UNC13C: variants seen among roughly 807,000 people sequenced by gnomAD.
UNC13C encodes the protein unc-13 homolog C.
A neutral mutation model predicts 245.4 loss-of-function variants in UNC13C; 174 were observed. That is an observed-to-expected ratio of 0.71 (90% confidence interval 0.63 to 0.80). The LOEUF (loss-of-function observed/expected upper bound fraction) is 0.80, where lower values mean the gene tolerates loss of function less well. Among genes scored for constraint, UNC13C ranks in the 30% least tolerant of loss-of-function variants. The pLI, the probability that UNC13C is intolerant of heterozygous loss-of-function variation, is 0.00. For synonymous variants in UNC13C, 992 were observed against 895.1 expected, an observed-to-expected ratio of 1.11 and a Z score of -1.93; for missense variants, 2,829 against 2,602.9, an observed-to-expected ratio of 1.09 and a Z score of -1.89.
At chr15:54,268,735 AGGTTTTG>A (rs2036610263) in intron 10 of UNC13C, among the ~76,000 whole-genome samples, 2 of 152,032 alleles carry the variant, frequency 1.3e-5, no homozygotes, top group South Asian at 4.1e-4. Context: ...ATGAATTAGG[AGGTTTTG>A]TCTTCTGCCC....
At chr15:54,351,349 A>C (rs2038978582) in intron 17 of UNC13C, among the ~76,000 whole-genome samples, 1 of 152,188 alleles carries the variant, frequency 6.6e-6, no homozygotes, top group African/African-American at 2.4e-5. Flanking sequence ...GGATTCTGAT[A>C]TTCTATTTAC....
chr15:54,178,903 T>A (rs1039524660), intron 4 of UNC13C, among the ~76,000 whole-genome samples: 10 of 152,110 alleles, frequency 6.6e-5, no homozygotes, highest in African/African-American at 2.4e-4. Flanking sequence ...TAGTTTATCA[T>A]CTTCTCATGA....
the UNC13C span, chr15:53,955,938 C>G: frequency 6.6e-6 from 1 of 152,156 alleles, no homozygotes; most frequent in Non-Finnish European, 1.5e-5. Context: ...AGGTTCCCAT[C>G]AGTAGTGGAG....
chr15:54,372,483 T>G (rs2039509446), intron 17 of UNC13C, among the ~76,000 whole-genome samples: 1 of 152,158 alleles, frequency 6.6e-6, no homozygotes, highest in Non-Finnish European at 1.5e-5. Flanking sequence ...ACTGATAACA[T>G]CAGTCTCCAA....
the UNC13C span, among the ~76,000 whole-genome samples, chr15:53,843,779 A>G: frequency 2.0e-5 from 3 of 152,190 alleles, no homozygotes; most frequent in Non-Finnish European, 2.9e-5. Flanking sequence ...TAAGTTAGAT[A>G]CTAAAAAGTT....
chr15:54,252,601 C>T (rs528292018), intron 8 of UNC13C, among the ~76,000 whole-genome samples: 1 of 152,184 alleles, frequency 6.6e-6, no homozygotes, highest in South Asian at 2.1e-4. Flanking sequence ...GAAATTCTCC[C>T]TACAGAATCA....
chr15:54,520,065 C>T (rs1895150767), intron 24 of UNC13C, among the ~76,000 whole-genome samples: 1 of 152,054 alleles, frequency 6.6e-6, no homozygotes, highest in Admixed American at 6.6e-5. Context: ...GGATGATACG[C>T]CAGTGTCATG....
rs1412196510 is a variant in UNC13C, at chr15:54,071,025, A to G, written c.2983+55139A>G. On this transcript the variant is annotated intron_variant, in intron 2 of 32. Coordinates refer to ENST00000260323, the MANE Select transcript of UNC13C (RefSeq NM_001080534.3). ...GTTTTTTTAACTTTATAAAGATAAT[A>G]CTATTCCTATATGAACTTTTATGAA... 2.0e-5 allele frequency among the ~76,000 whole-genome samples: 3 copies of G among 152,188 alleles called. No individual in the cohort carries two copies. In the East Asian group the frequency reaches 5.8e-4, roughly 29 times the overall value.
intron 7 of UNC13C, among the ~76,000 whole-genome samples, chr15:54,240,356 GGAGCAAA>G (rs1421092384): frequency 6.6e-6 from 1 of 152,104 alleles, no homozygotes; most frequent in Non-Finnish European, 1.5e-5. Context: ...CATAAATGCT[GGAGCAAA>G]TAATTTGCAC....
At chr15:54,040,627 G>T (rs1287528076) in intron 2 of UNC13C, among the ~76,000 whole-genome samples, 1 of 152,136 alleles carries the variant, frequency 6.6e-6, no homozygotes, top group Non-Finnish European at 1.5e-5. Flanking sequence ...TGCTTCCAGG[G>T]CTATTAACTT....
chr15:54,245,474 C>A (rs2035967189), intron 7 of UNC13C, among the ~76,000 whole-genome samples: 1 of 152,048 alleles, frequency 6.6e-6, no homozygotes, highest in Admixed American at 6.6e-5. Context: ...TAGGATATAA[C>A]TTTTAGTCTT....
chr15:53,868,672 C>T, the UNC13C span, among the ~76,000 whole-genome samples: 1 of 152,152 alleles, frequency 6.6e-6, no homozygotes, highest in African/African-American at 2.4e-5. Flanking sequence ...TTGGTCAATC[C>T]TTAAAGAAGT....
intron 17 of UNC13C, among the ~76,000 whole-genome samples, chr15:54,356,611 T>C (rs1029834717): frequency 6.6e-6 from 1 of 152,172 alleles, no homozygotes; most frequent in Admixed American, 6.5e-5. Flanking sequence ...CAAAAGCAGC[T>C]TTCAGCCTCT....
At chr15:54,120,227 C>T (rs1021830324) in intron 2 of UNC13C, among the ~76,000 whole-genome samples, 4 of 152,152 alleles carry the variant, frequency 2.6e-5, no homozygotes, top group African/African-American at 9.7e-5. Context: ...AGCTGATTCT[C>T]TTATTAGGAG....
rs756016735 is a variant in UNC13C at position 54,623,839 on chromosome 15, C to T, written c.6244C>T (p.Arg2082Cys). 119 of 1,612,866 alleles carry T rather than the reference C, an allele frequency of 7.4e-5. No homozygotes were observed. Among genetic ancestry groups the T allele is most frequent in the Non-Finnish European group, 8.1e-5 (96 of 1,179,374 alleles). ...AAACTGGCAGACCACAGCAATGTTC[C>T]GCCCCTTTGTGGAAGTTTGTATACT... ...DLNWQTTAMFRPFVEVCILGP... is the reference protein window; with the variant it reads ...DLNWQTTAMFCPFVEVCILGP... The change falls in exon 32 of 33, where the codon CGC becomes TGC. Residue 2082 changes from arginine (R) to cysteine (C), a missense_variant. Arg to Cys is a radical substitution (Grantham distance 180, BLOSUM62 -3). Transcript: ENST00000260323.
At chr15:54,320,742 G>T in intron 13 of UNC13C, 1 of 386,396 alleles carries the variant, frequency 2.6e-6, no homozygotes, top group East Asian at 6.9e-5. Flanking sequence ...TTCTGCCACT[G>T]CCATAGCTAC....
chr15:54,278,599 T>A (rs1459616020), intron 10 of UNC13C, among the ~76,000 whole-genome samples: 1 of 152,184 alleles, frequency 6.6e-6, no homozygotes, highest in Non-Finnish European at 1.5e-5. Flanking sequence ...CCGACACTGA[T>A]CTCTTCAGTA....
rs1484985627 is a variant in UNC13C at position 54,349,119 on chromosome 15, TA to T, written c.4713+10633del. ...TAATTTATAAAATATTTATATTTTA[TA>T]AATATATAAAATATCATTTGATATT... On this transcript the variant is annotated intron_variant, in intron 17 of 32. Coordinates refer to ENST00000260323, the MANE Select transcript of UNC13C (RefSeq NM_001080534.3). 2.7e-5 allele frequency among the ~76,000 whole-genome samples: 4 copies of T among 148,246 alleles called. No individual in the cohort carries two copies. The East Asian group carries it at 7.8e-4, about 29-fold the overall frequency.
chr15:54,338,928 G>A (rs775183166), intron 17 of UNC13C, among the ~76,000 whole-genome samples: 7 of 152,092 alleles, frequency 4.6e-5, no homozygotes, highest in South Asian at 2.1e-4. Flanking sequence ...GTGCAGTGGC[G>A]CAATCTCGGC....
Sources: allele counts gnomAD v4.1 joint callset (sites outside exome capture counted in the v4.1 genomes callset), GRCh38; gene constraint gnomAD v4.1.1; transcripts MANE v1.5; gene names NCBI Gene and HGNC (gene_info 2026-07-23, HGNC 2026-07-21).